CFAP299: variants seen among roughly 807,000 people sequenced by gnomAD.
The protein encoded by CFAP299 is cilia- and flagella-associated protein 299.
A neutral mutation model predicts 27.0 loss-of-function variants in CFAP299; 21 were observed. The observed-to-expected ratio is 0.78, with a 90% CI of 0.55 to 1.12. The LOEUF (loss-of-function observed/expected upper bound fraction) is 1.12, where lower values mean the gene tolerates loss of function less well. CFAP299 is among the 50% of genes most tolerant of loss of function. CFAP299 has a pLI of 0.00. For synonymous variants in CFAP299, 104 were observed against 98.1 expected, an observed-to-expected ratio of 1.06 and a Z score of -0.36; for missense variants, 310 against 276.6, an observed-to-expected ratio of 1.12 and a Z score of -0.86.
At chr4:80,467,455 T>A (rs926630510) in intron 2 of CFAP299, among the ~76,000 whole-genome samples, 4 of 152,206 alleles carry the variant, frequency 2.6e-5, no homozygotes, top group African/African-American at 9.6e-5. Flanking sequence ...CCCTTCCTCT[T>A]TCCAACATTC....
At chr4:80,810,603 A>G (rs1729100643) in intron 3 of CFAP299, among the ~76,000 whole-genome samples, 1 of 152,016 alleles carries the variant, frequency 6.6e-6, no homozygotes, top group Non-Finnish European at 1.5e-5. Context: ...ACCAAGGAAC[A>G]CCAAGAATTG....
intron 3 of CFAP299, chr4:80,790,571 ACTCT>A (rs892268810): frequency 5.3e-5 from 8 of 151,234 alleles, no homozygotes; most frequent in South Asian, 2.1e-4. Flanking sequence ...GAGCTAGCTA[ACTCT>A]CTCTCTTTTC....
chr4:80,914,977 A>T (rs1735672407), intron 4 of CFAP299, among the ~76,000 whole-genome samples: 1 of 151,486 alleles, frequency 6.6e-6, no homozygotes. Context: ...TTCTTCTTTT[A>T]TGTTTATTAT....
chr4:80,931,082 A>G (rs1736590638), intron 4 of CFAP299, among the ~76,000 whole-genome samples: 1 of 152,074 alleles, frequency 6.6e-6, no homozygotes, highest in African/African-American at 2.4e-5. Context: ...CAAATACCTA[A>G]AAGTGTTCCC....
At chr4:80,387,021 A>G (rs1725047493) in intron 2 of CFAP299, 6 of 1,244,652 alleles carry the variant, frequency 4.8e-6, no homozygotes. Flanking sequence ...ATGACGCTGC[A>G]GGTAGCGTTC....
intron 3 of CFAP299, among the ~76,000 whole-genome samples, chr4:80,621,141 C>T (rs985027580): frequency 2.6e-5 from 4 of 151,940 alleles, no homozygotes; most frequent in African/African-American, 9.6e-5. Flanking sequence ...TAGTATATAA[C>T]AAAAAATAGA....
chr4:80,386,512 TG>T lies in CFAP299; in HGVS notation c.242+23640del, dbSNP rs151251894. ...GCTGCCCTCTTCTCGCGGGCGGTGGTGGGGGGGGGGGGTGCCGCCGGGTTTG... is the reference window on the plus strand; with the variant it reads ...GCTGCCCTCTTCTCGCGGGCGGTGGTGGGGGGGGGGGTGCCGCCGGGTTTG... On this transcript the variant is annotated intron_variant, in intron 2 of 5. Transcript: ENST00000358105. 16,977 of 1,464,710 alleles carry T rather than the reference TG, an allele frequency of 0.012. 1,143 individuals are homozygous for T. The African/African-American group carries it at 0.21, about 18-fold the overall frequency. 90.7% of individuals were successfully genotyped at this position (1,464,710 alleles called of 1,614,324 possible).
rs142842135 is a variant in CFAP299 at position 80,942,573 on chromosome 4, C to A, written c.477-2237C>A. Among the ~76,000 whole-genome samples, 685 of 152,136 alleles carry A rather than the reference C, an allele frequency of 4.5e-3. 2 individuals are homozygous for A. The highest frequency in any genetic ancestry group is 0.015 in the African/African-American group (632 of 41,542). ...AGAACAAAAGTATTGATGAAACAAC[C>A]AAAATGTCTTCATCAAAAGAATCAT... is the stretch of plus-strand genomic sequence containing the variant. On this transcript the variant is annotated intron_variant, in intron 4 of 5. Coordinates refer to ENST00000358105, the MANE Select transcript of CFAP299 (RefSeq NM_152770.3).
intron 1 of CFAP299, among the ~76,000 whole-genome samples, chr4:80,357,872 C>G (rs1723349930): frequency 6.6e-6 from 1 of 152,024 alleles, no homozygotes; most frequent in Non-Finnish European, 1.5e-5. Context: ...TTGTCTTCTG[C>G]TAGCTTGCTT....
intron 5 of CFAP299, among the ~76,000 whole-genome samples, chr4:80,953,068 T>A (rs1164266475): frequency 1.3e-5 from 2 of 152,166 alleles, no homozygotes; most frequent in Non-Finnish European, 2.9e-5. Flanking sequence ...CTATATATAA[T>A]CCCTTTTGAA....
chr4:80,689,627 G>T (rs1370449358), intron 3 of CFAP299, among the ~76,000 whole-genome samples: 1 of 152,128 alleles, frequency 6.6e-6, no homozygotes, highest in Admixed American at 6.5e-5. Flanking sequence ...GGCAGAAACT[G>T]CATCAACTAA....
intron 4 of CFAP299, among the ~76,000 whole-genome samples, chr4:80,891,874 T>C (rs1003298637): frequency 1.1e-5 from 1 of 87,480 alleles, no homozygotes; most frequent in Non-Finnish European, 2.7e-5. Flanking sequence ...CACAAAAAAG[T>C]GGAAAAATAT....
chr4:80,798,625 A>G (rs939802462), intron 3 of CFAP299, among the ~76,000 whole-genome samples: 3 of 152,102 alleles, frequency 2.0e-5, no homozygotes, highest in African/African-American at 7.2e-5. Context: ...ACAGGAGATA[A>G]GATTCCAACT....
At chr4:80,891,375 A>G (rs1578216449) in intron 4 of CFAP299, among the ~76,000 whole-genome samples, 1 of 151,874 alleles carries the variant, frequency 6.6e-6, no homozygotes, top group Non-Finnish European at 1.5e-5. Flanking sequence ...CAAATGTCCA[A>G]CAATGATAGA....
At chr4:80,924,538 GTATA>G (rs1553906748) in intron 4 of CFAP299, among the ~76,000 whole-genome samples, 2,277 of 131,616 alleles carry the variant, frequency 0.017, 23 homozygotes, top group South Asian at 0.034. Flanking sequence ...GTGTGTGTGT[GTATA>G]TATATATATA....
At chr4:80,327,707 T>C in the CFAP299 span, among the ~76,000 whole-genome samples, 1,161 of 137,270 alleles carry the variant, frequency 8.5e-3, 37 homozygotes, top group African/African-American at 0.033. Context: ...TATATATATA[T>C]ATATATATAT....
At chr4:80,952,723 G>A (rs1186135275) in intron 5 of CFAP299, among the ~76,000 whole-genome samples, 1 of 151,168 alleles carries the variant, frequency 6.6e-6, no homozygotes, top group Admixed American at 6.6e-5. Context: ...TTTTAATTTA[G>A]AGGAAGAGTC....
chr4:80,900,910 G>A (rs1282173084), intron 4 of CFAP299, among the ~76,000 whole-genome samples: 1 of 151,762 alleles, frequency 6.6e-6, no homozygotes, highest in Non-Finnish European at 1.5e-5. Context: ...GGATCAATAT[G>A]GTATTGCATA....
intron 3 of CFAP299, among the ~76,000 whole-genome samples, chr4:80,788,896 C>T (rs547094086): frequency 6.6e-6 from 1 of 152,042 alleles, no homozygotes; most frequent in South Asian, 2.1e-4. Context: ...GTTTTCAAAG[C>T]TTTGGTTGTC....
Sources: allele counts gnomAD v4.1 joint callset (sites outside exome capture counted in the v4.1 genomes callset), GRCh38; gene constraint gnomAD v4.1.1; transcripts MANE v1.5; gene names NCBI Gene and HGNC (gene_info 2026-07-23, HGNC 2026-07-21).